The following FAM53B variants were observed in gnomAD, a reference collection of about 807,000 sequenced individuals.
FAM53B encodes protein FAM53B.
FAM53B carries 12 observed loss-of-function variants against 32.7 expected under a neutral mutation model. The ratio of observed to expected loss-of-function variants is 0.37; its 90% CI spans 0.24 to 0.59. The LOEUF (loss-of-function observed/expected upper bound fraction) is 0.59, where lower values mean the gene tolerates loss of function less well. FAM53B is among the 20% of genes least tolerant of loss of function. The probability of loss-of-function intolerance (pLI) is 0.72; values close to 1 mark genes in which losing one functional copy is unlikely to be tolerated. For synonymous variants in FAM53B, 234 were observed against 228.7 expected, an observed-to-expected ratio of 1.02 and a Z score of -0.21; for missense variants, 477 against 577.7, an observed-to-expected ratio of 0.83 and a Z score of 1.79.
At chr10:124,669,884 T>G (rs1949696760) in intron 4 of FAM53B, among the ~76,000 whole-genome samples, 1 of 139,010 alleles carries the variant, frequency 7.2e-6, no homozygotes, top group African/African-American at 2.8e-5. Context: ...ACAGGGTGGG[T>G]GAGGATTACA....
Position 124,623,078 on chromosome 10 carries a change from G to C in FAM53B, c.*164C>G. Reference sequence around the variant, plus strand: ...CCGCTGTATGACGCGGCCAGGCCAGGCTCTCCCCCAGGCAGCAGGTGGGCT... The same window carrying C: ...CCGCTGTATGACGCGGCCAGGCCAGCCTCTCCCCCAGGCAGCAGGTGGGCT... On this transcript the variant is annotated 3_prime_UTR_variant, in exon 5 of 5. Coordinates refer to ENST00000337318, the MANE Select transcript of FAM53B (RefSeq NM_014661.4). The C allele has an allele frequency of 1.1e-6, 1 of 929,416 alleles. No individual in the cohort carries two copies. Among genetic ancestry groups the C allele is most frequent in the South Asian group, 1.7e-5 (1 of 58,708 alleles). 57.6% of individuals were successfully genotyped at this position (929,416 alleles called of 1,614,324 possible).
chr10:124,659,751 G>C (rs1309407994), intron 4 of FAM53B, among the ~76,000 whole-genome samples: 2 of 152,250 alleles, frequency 1.3e-5, no homozygotes, highest in Admixed American at 1.3e-4. Context: ...CACCTAAGGG[G>C]CCAGAAGATA....
At chr10:124,675,056 C>A (rs1949728949) in intron 4 of FAM53B, among the ~76,000 whole-genome samples, 1 of 152,190 alleles carries the variant, frequency 6.6e-6, no homozygotes, top group African/African-American at 2.4e-5. Flanking sequence ...CTTAGCAGTC[C>A]CCAGATGAAC....
chr10:124,657,314 C>T (rs1223629580), intron 4 of FAM53B, among the ~76,000 whole-genome samples: 1 of 151,896 alleles, frequency 6.6e-6, no homozygotes, highest in Non-Finnish European at 1.5e-5. Flanking sequence ...GTTTCTTTCC[C>T]CTTTTTAAAG....
Position 124,682,359 on chromosome 10 carries a change from G to C in FAM53B, c.154C>G (p.Leu52Val). 5 of 1,602,370 alleles carry C rather than the reference G, an allele frequency of 3.1e-6. No homozygotes were observed. Among genetic ancestry groups the C allele is most frequent in the Non-Finnish European group, 4.3e-6 (5 of 1,172,144 alleles). Residue 52 changes from leucine to valine, a missense_variant, in exon 4 of 5, where the codon CTG (leucine) becomes GTG (valine). By Grantham distance (32) the Leu-to-Val change is conservative. Transcript: ENST00000337318. The surrounding 1 kb of genome is among the most constrained non-coding windows in gnomAD (Gnocchi z 5.2). ...GIMENDRWRDLDRKCPLQIDQ... is the reference protein window; with the variant it reads ...GIMENDRWRDVDRKCPLQIDQ... ...ATCTGAAGAGGGCATTTCCTGTCCA[G>C]GTCTCGCCATCTGTCATTTTCTGGT... is the stretch of plus-strand genomic sequence containing the variant.
rs1949780698 is a variant in FAM53B at position 124,682,628 on chromosome 10, C to G, written c.134-249G>C. On this transcript the variant is annotated intron_variant, in intron 3 of 4. Transcript: ENST00000337318. The surrounding 1 kb of genome is among the most constrained non-coding windows in gnomAD (Gnocchi z 5.2). ...AGAATCCAGATATACCCCTGGGACTCCTGATATGGTTTTCTTTCCAGTGTA... is the reference window on the plus strand; with the variant it reads ...AGAATCCAGATATACCCCTGGGACTGCTGATATGGTTTTCTTTCCAGTGTA... Among the ~76,000 whole-genome samples, 1 of 152,188 alleles carries G rather than the reference C, an allele frequency of 6.6e-6. No homozygotes were observed. The highest frequency in any genetic ancestry group is 1.5e-5 in the Non-Finnish European group (1 of 68,034).
intron 4 of FAM53B, among the ~76,000 whole-genome samples, chr10:124,640,246 G>A (rs1949461859): frequency 6.6e-6 from 1 of 152,218 alleles, no homozygotes; most frequent in Non-Finnish European, 1.5e-5. Flanking sequence ...CGAGTGTGAG[G>A]AGCAGCACAG....
At chr10:124,667,238 A>G in intron 4 of FAM53B, 1 of 567,768 alleles carries the variant, frequency 1.8e-6, no homozygotes, top group Admixed American at 3.4e-5. Context: ...AAATGATAGT[A>G]TTTTGGAAAT....
intron 4 of FAM53B, among the ~76,000 whole-genome samples, chr10:124,631,144 T>A (rs1949388451): frequency 1.3e-5 from 2 of 152,170 alleles, no homozygotes; most frequent in Admixed American, 6.5e-5. Context: ...GGCCTTGCTG[T>A]CCCCGCTCTG....
chr10:124,624,627 A>G (rs1949333474), intron 4 of FAM53B, among the ~76,000 whole-genome samples: 1 of 152,148 alleles, frequency 6.6e-6, no homozygotes, highest in Non-Finnish European at 1.5e-5. Flanking sequence ...CTGGGGCAGG[A>G]GGCAGCCTGG....
At position 124,719,375 on chromosome 10, in the gene FAM53B, C is replaced by T. The variant is rs559452729; in HGVS notation, c.-174-12488G>A. On this transcript the variant is annotated intron_variant, in intron 1 of 4. Coordinates refer to ENST00000337318, the MANE Select transcript of FAM53B (RefSeq NM_014661.4). Reference sequence around the variant, plus strand: ...TGGAGGGGTGTTAAAGAGGAAATGACACAGCCAACCAGAGTCACCCGGCTT... The same window carrying T: ...TGGAGGGGTGTTAAAGAGGAAATGATACAGCCAACCAGAGTCACCCGGCTT... 9.5e-4 allele frequency among the ~76,000 whole-genome samples: 144 copies of T among 152,262 alleles called. 3 individuals carry two copies. The South Asian group carries it at 0.023, about 24-fold the overall frequency.
At chr10:124,730,502 G>A (rs956127559) in intron 1 of FAM53B, among the ~76,000 whole-genome samples, 1 of 152,214 alleles carries the variant, frequency 6.6e-6, no homozygotes, top group Admixed American at 6.5e-5. Flanking sequence ...TTTCAATTCT[G>A]TGTTTTGGGA....
At chr10:124,656,394 G>A (rs972498601) in intron 4 of FAM53B, among the ~76,000 whole-genome samples, 1 of 152,234 alleles carries the variant, frequency 6.6e-6, no homozygotes. Flanking sequence ...CCTAATGGAG[G>A]GCTGGTTTGG....
At chr10:124,626,151 G>A (rs972649055) in intron 4 of FAM53B, among the ~76,000 whole-genome samples, 3 of 152,378 alleles carry the variant, frequency 2.0e-5, no homozygotes, top group East Asian at 3.9e-4. Flanking sequence ...GAGGGGCCTG[G>A]GGCGTGGCCT....
intron 4 of FAM53B, among the ~76,000 whole-genome samples, chr10:124,652,767 T>C (rs1949564665): frequency 6.6e-6 from 1 of 152,064 alleles, no homozygotes; most frequent in Non-Finnish European, 1.5e-5. Context: ...TCCACTTCCT[T>C]CAATATGGAA....
intron 1 of FAM53B, chr10:124,742,417 G>C (rs1479293831): frequency 6.6e-6 from 1 of 152,234 alleles, no homozygotes; most frequent in Non-Finnish European, 1.5e-5. Context: ...ATAAGGAACA[G>C]TGAGTTTCAC....
At chr10:124,690,411 T>C (rs539283279) in intron 3 of FAM53B, among the ~76,000 whole-genome samples, 5 of 152,360 alleles carry the variant, frequency 3.3e-5, no homozygotes, top group Non-Finnish European at 7.3e-5. Flanking sequence ...CCCAAGGTCA[T>C]GCTCTTGCAG....
At chr10:124,722,254 C>G (rs1381734202) in intron 1 of FAM53B, among the ~76,000 whole-genome samples, 2 of 152,134 alleles carry the variant, frequency 1.3e-5, no homozygotes, top group Non-Finnish European at 2.9e-5. Context: ...CTGAGCCGAT[C>G]ATCATACATT....
intron 4 of FAM53B, among the ~76,000 whole-genome samples, chr10:124,641,075 G>A (rs1361007117): frequency 6.6e-6 from 1 of 152,218 alleles, no homozygotes; most frequent in Non-Finnish European, 1.5e-5. Flanking sequence ...AGACAAAACA[G>A]GAAGAAACCA....
Sources: gnomAD v4.1 joint callset for allele counts (sites outside exome capture counted in the v4.1 genomes callset) on GRCh38, gnomAD v4.1.1 for gene constraint, Gnocchi (gnomAD v3.1) non-coding constraint, MANE v1.5 for transcripts, NCBI Gene and HGNC (gene_info 2026-07-23, HGNC 2026-07-21) for gene names.